AFAP1L2: variants seen among roughly 807,000 people sequenced by gnomAD.
AFAP1L2 encodes actin filament-associated protein 1-like 2.
In AFAP1L2, 46 loss-of-function variants were observed where a neutral mutation model predicts 99.3. The observed-to-expected ratio is 0.46, with a 90% CI of 0.37 to 0.59. AFAP1L2 has a LOEUF of 0.59. AFAP1L2 is among the 20% of genes least tolerant of loss of function. The pLI is 0.00. For missense variants in AFAP1L2, 959 were observed against 1,034.9 expected (o/e 0.93, Z 1.01); for synonymous variants, 397 against 419.1 (o/e 0.95, Z 0.64).
At chr10:114,325,880 G>A (rs75926928) in intron 4 of AFAP1L2, 101,085 of 1,286,536 alleles carry the variant, frequency 0.079, 4,484 homozygotes, top group Non-Finnish European at 0.092. Flanking sequence ...GGGTCCTCTC[G>A]CCTCTGTGGC....
At chr10:114,405,116 T>A (rs1238463070), upstream of AFAP1L2, among the ~76,000 whole-genome samples, 1 of 152,196 alleles carries the variant, frequency 6.6e-6, no homozygotes, top group Non-Finnish European at 1.5e-5. Context: ...CACTTCAGGG[T>A]GTGTGAAAAC....
chr10:114,363,280 T>C (rs2136642361), intron 1 of AFAP1L2: 1 of 648,116 alleles, frequency 1.5e-6, no homozygotes, highest in South Asian at 6.9e-5. Flanking sequence ...CCGTAACATG[T>C]AGCCTGCAGA....
At chr10:114,290,330 G>C, downstream of AFAP1L2, 2 of 1,550,636 alleles carry the variant, frequency 1.3e-6, no homozygotes, top group Non-Finnish European at 1.7e-6. Context: ...CGCTGCAAGT[G>C]TCGGGATGGC....
Position 114,311,394 on chromosome 10 carries a change from C to G in AFAP1L2, c.793-951G>C, listed in dbSNP as rs894482547. Among the ~76,000 whole-genome samples the G allele has an allele frequency of 4.6e-5, 7 of 152,176 alleles. 1 individual carries two copies. Among genetic ancestry groups the G allele is most frequent in the Non-Finnish European group, 8.8e-5 (6 of 68,034 alleles). The stretch of plus-strand genomic sequence containing the variant: ...TAGATCCCCCTCTTTCAGTCTATGC[C>G]TAGAGCAGTTTGTGGAAATGGGTTT... On this transcript the variant is annotated intron_variant, in intron 7 of 18. Transcript: ENST00000304129.
chr10:114,306,681 G>A (rs2042505948), intron 10 of AFAP1L2, among the ~76,000 whole-genome samples: 1 of 151,996 alleles, frequency 6.6e-6, no homozygotes, highest in Non-Finnish European at 1.5e-5. Context: ...TTTGGATCAT[G>A]AGAGGTGGGA....
chr10:114,390,052 A>G (rs1362671476), intron 1 of AFAP1L2, among the ~76,000 whole-genome samples: 2 of 152,210 alleles, frequency 1.3e-5, no homozygotes, highest in African/African-American at 4.8e-5. Context: ...AACAACGATG[A>G]CCTTCCTAAT....
At chr10:114,374,846 A>AGGGGG (rs2054593466) in intron 1 of AFAP1L2, among the ~76,000 whole-genome samples, 1 of 29,760 alleles carries the variant, frequency 3.4e-5, no homozygotes, top group Non-Finnish European at 6.9e-5. Context: ...AGAGGGAGGG[A>AGGGGG]GGGGGTGGGG....
intron 10 of AFAP1L2, chr10:114,305,263 G>T: frequency 3.0e-6 from 1 of 335,496 alleles, no homozygotes; most frequent in African/African-American, 2.3e-5. Context: ...AGACGTGGAT[G>T]TGGGAGGGCA....
chr10:114,381,062 T>G (rs752956862), intron 1 of AFAP1L2, among the ~76,000 whole-genome samples: 3 of 152,216 alleles, frequency 2.0e-5, no homozygotes, highest in Non-Finnish European at 4.4e-5. Flanking sequence ...ATTCAAAAAC[T>G]TGTACATGAA....
At chr10:114,305,983 T>G (rs572383954) in intron 10 of AFAP1L2, among the ~76,000 whole-genome samples, 254 of 13,764 alleles carry the variant, frequency 0.018, no homozygotes, top group Middle Eastern at 0.036. Flanking sequence ...ACAGGAGGGG[T>G]CGGGGCTGCA....
intron 16 of AFAP1L2, among the ~76,000 whole-genome samples, chr10:114,298,703 A>G (rs1447816134): frequency 6.6e-6 from 1 of 152,136 alleles, no homozygotes; most frequent in East Asian, 1.9e-4. Flanking sequence ...TAATTTTGAA[A>G]TTTTAAATGC....
intron 1 of AFAP1L2, among the ~76,000 whole-genome samples, chr10:114,387,254 T>C (rs528538622): frequency 3.9e-4 from 59 of 152,254 alleles, no homozygotes; most frequent in South Asian, 8.3e-4. Context: ...TTATGCATAG[T>C]TTTTCATTGA....
intron 1 of AFAP1L2, among the ~76,000 whole-genome samples, chr10:114,365,284 C>G (rs528152195): frequency 6.6e-6 from 1 of 152,170 alleles, no homozygotes; most frequent in Non-Finnish European, 1.5e-5. Flanking sequence ...CCCAGGCATA[C>G]GCTCGTGGCT....
At chr10:114,281,012 G>A in the AFAP1L2 span, 1 of 152,252 alleles carries the variant, frequency 6.6e-6, no homozygotes, top group Non-Finnish European at 1.5e-5. Flanking sequence ...TGGGATTACA[G>A]GCGTGAGCTA....
At chr10:114,345,248 A>C (rs180695924) in intron 1 of AFAP1L2, among the ~76,000 whole-genome samples, 22 of 151,598 alleles carry the variant, frequency 1.5e-4, no homozygotes, top group African/African-American at 4.8e-4. Flanking sequence ...CTCAAAGGGG[A>C]GAAGGTGGGC....
intron 5 of AFAP1L2, among the ~76,000 whole-genome samples, chr10:114,318,747 AG>A (rs1439338376): frequency 1.1e-5 from 1 of 90,170 alleles, no homozygotes; most frequent in African/African-American, 3.3e-5. Flanking sequence ...TCTAAAAAAA[AG>A]AAAAAAAAAA....
At chr10:114,343,298 T>C (rs1459973496) in intron 1 of AFAP1L2, among the ~76,000 whole-genome samples, 1 of 152,216 alleles carries the variant, frequency 6.6e-6, no homozygotes, top group Non-Finnish European at 1.5e-5. Flanking sequence ...CCCAGCAACT[T>C]GCCCACCATC....
chr10:114,323,175 G>A lies in AFAP1L2; in HGVS notation c.402C>T (p.Leu134=), dbSNP rs942161229. The change falls in exon 5 of 19, where the codon CTC becomes CTT. Residue 134 remains leucine, a synonymous_variant. Transcript: ENST00000304129. ...YEEAEPYDTS[L]NEDGEAVSSS... Reference sequence around the variant, plus strand: ...GCCCCAGCCGCTGGGATGTACCATTGAGGGATGTGTCATATGGCTCAGCCT... The same window carrying A: ...GCCCCAGCCGCTGGGATGTACCATTAAGGGATGTGTCATATGGCTCAGCCT... 8.2e-6 allele frequency: 13 copies of A among 1,594,018 alleles called. No individual in the cohort carries two copies. The highest frequency in any genetic ancestry group is 2.3e-5 in the South Asian group (2 of 87,768).
In AFAP1L2 at chr10:114,360,509, T is replaced by TAGATAGTTAGATAGATAGA. The variant is rs61366681; in HGVS notation, c.17-19779_17-19778insTCTATCTATCTAACTATCT. Among the ~76,000 whole-genome samples, 430 of 107,390 alleles carry TAGATAGTTAGATAGATAGA rather than the reference T, an allele frequency of 4.0e-3. 2 individuals carry two copies. The highest frequency in any genetic ancestry group is 0.013 in the Admixed American group (137 of 10,252). The allele number at this position is 107,390 out of a possible 152,430, so 70.5% of individuals were successfully genotyped here. ...TCTAGATAGATAGATAGATAGATAG[T>TAGATAGTTAGATAGATAGA]TAGATAGATAGATAGATAGATAGAT... is the stretch of plus-strand genomic sequence containing the variant. On this transcript the variant is annotated intron_variant, in intron 1 of 18. Coordinates refer to ENST00000304129, the MANE Select transcript of AFAP1L2 (RefSeq NM_001001936.3).
Sources: allele counts gnomAD v4.1 joint callset (sites outside exome capture counted in the v4.1 genomes callset), GRCh38; gene constraint gnomAD v4.1.1; transcripts MANE v1.5; gene names NCBI Gene and HGNC (gene_info 2026-07-23, HGNC 2026-07-21).